TPD52L1: variants seen among roughly 807,000 people sequenced by gnomAD.
TPD52L1 encodes the protein tumor protein D53.
A neutral mutation model predicts 28.7 loss-of-function variants in TPD52L1; 18 were observed. The observed-to-expected ratio is 0.63, with a 90% CI of 0.43 to 0.93. The LOEUF is 0.93. Among genes scored for constraint, TPD52L1 ranks in the 40% least tolerant of loss-of-function variants. The pLI is 0.00. For missense variants in TPD52L1, 203 were observed against 254.8 expected (o/e 0.80, Z 1.39); for synonymous variants, 75 against 88.8 (o/e 0.84, Z 0.88).
At chr6:125,199,170 CT>C (rs1402426617) in intron 1 of TPD52L1, among the ~76,000 whole-genome samples, 1 of 152,152 alleles carries the variant, frequency 6.6e-6, no homozygotes, top group Non-Finnish European at 1.5e-5. Context: ...GTGGTTTTGA[CT>C]TAAATAATTC....
rs145825176 is a variant in TPD52L1 at position 125,239,250 on chromosome 6, T to C, written c.285-9032T>C. 9.2e-5 allele frequency among the ~76,000 whole-genome samples: 14 copies of C among 152,344 alleles called. No homozygotes were observed. In the East Asian group the frequency reaches 2.3e-3, roughly 25 times the overall value. On this transcript the variant is annotated intron_variant, in intron 3 of 6. Transcript: ENST00000534000. Reference sequence around the variant, plus strand: ...GTGATGTGAGGCATTTTTTCACGTTTGTTGGCCATTTGTATATCTGCTTTT... The same window carrying C: ...GTGATGTGAGGCATTTTTTCACGTTCGTTGGCCATTTGTATATCTGCTTTT...
intron 2 of TPD52L1, among the ~76,000 whole-genome samples, chr6:125,223,447 G>T (rs1427607902): frequency 6.6e-6 from 1 of 152,126 alleles, no homozygotes; most frequent in Non-Finnish European, 1.5e-5. Flanking sequence ...GGTGGCTCAC[G>T]CCTGTAATCC....
At chr6:125,253,621 T>G (rs1797409754) in intron 4 of TPD52L1, 96 bp from the exon 5 acceptor site, 1 of 1,094,682 alleles carries the variant, frequency 9.1e-7, no homozygotes, top group Non-Finnish European at 1.4e-6. Context: ...TATTTGGAAT[T>G]GCTGTTTTAG....
chr6:125,252,787 A>G (rs1797355983), intron 4 of TPD52L1: 2 of 152,234 alleles, frequency 1.3e-5, no homozygotes, highest in Admixed American at 6.5e-5. Context: ...GACCGTAAGT[A>G]TCCCATGAAT....
intron 1 of TPD52L1, among the ~76,000 whole-genome samples, chr6:125,205,578 C>T (rs1487235112): frequency 1.3e-5 from 2 of 152,184 alleles, no homozygotes; most frequent in Non-Finnish European, 2.9e-5. Flanking sequence ...GTCTTGGCCA[C>T]AGAGATAATA....
chr6:125,205,459 C>T (rs1181477981), intron 1 of TPD52L1, among the ~76,000 whole-genome samples: 4 of 152,190 alleles, frequency 2.6e-5, no homozygotes, highest in African/African-American at 4.8e-5. Flanking sequence ...CAAGAGCATA[C>T]TGTATAGGCA....
chr6:125,180,115 C>G (rs1406491913), intron 1 of TPD52L1, among the ~76,000 whole-genome samples: 1 of 152,192 alleles, frequency 6.6e-6, no homozygotes, highest in Non-Finnish European at 1.5e-5. Flanking sequence ...TTCCTCAGTT[C>G]TCACTCTATC....
intron 2 of TPD52L1, among the ~76,000 whole-genome samples, chr6:125,224,572 T>A (rs971657462): frequency 4.6e-5 from 7 of 152,092 alleles, no homozygotes; most frequent in Non-Finnish European, 1.0e-4. Flanking sequence ...CCATAATATC[T>A]TATTGTTTTG....
chr6:125,213,999 C>T (rs1794693319), intron 1 of TPD52L1, among the ~76,000 whole-genome samples: 2 of 152,110 alleles, frequency 1.3e-5, no homozygotes. Flanking sequence ...CAATACAGTC[C>T]TTAGGCCAGA....
Position 125,262,988 on chromosome 6 carries a change from A to G in TPD52L1, c.*26A>G. On this transcript the variant is annotated 3_prime_UTR_variant, in exon 7 of 7. Coordinates refer to ENST00000534000, the MANE Select transcript of TPD52L1 (RefSeq NM_003287.4). The stretch of plus-strand genomic sequence containing the variant: ...GTCCAGCCAGCGTGCAGCTGCATCC[A>G]GAAACCGGCCACTACCCAGCCCATC... 6.2e-7 allele frequency: 1 copy of G among 1,602,086 alleles called. No individual in the cohort carries two copies. The highest frequency in any genetic ancestry group is 8.5e-7 in the Non-Finnish European group (1 of 1,174,778).
chr6:125,248,239 G>T, intron 3 of TPD52L1, 43 bp from the exon 4 acceptor site: 1 of 1,458,810 alleles, frequency 6.9e-7, no homozygotes, highest in Non-Finnish European at 9.6e-7. Flanking sequence ...TTGTTTATGG[G>T]AGATCATGAT....
intron 6 of TPD52L1, chr6:125,262,553 G>A (rs1024433398): frequency 1.1e-5 from 3 of 262,792 alleles, no homozygotes; most frequent in South Asian, 1.3e-4. Context: ...CCATGGATCC[G>A]ATTATGCTCC....
intron 1 of TPD52L1, among the ~76,000 whole-genome samples, chr6:125,193,859 C>T (rs1793224666): frequency 6.6e-6 from 1 of 152,008 alleles, no homozygotes; most frequent in Admixed American, 6.5e-5. Flanking sequence ...TGAGCTGGGG[C>T]TTTGGTGGTC....
chr6:125,166,657 G>T (rs1004314786), intron 1 of TPD52L1, among the ~76,000 whole-genome samples: 1 of 151,920 alleles, frequency 6.6e-6, no homozygotes, highest in Non-Finnish European at 1.5e-5. Flanking sequence ...TTGCACAAGG[G>T]TGTCATAGAA....
intron 3 of TPD52L1, among the ~76,000 whole-genome samples, chr6:125,241,371 T>C (rs899933046): frequency 3.0e-4 from 46 of 152,104 alleles, no homozygotes; most frequent in Non-Finnish European, 2.9e-5. Context: ...TTCTCTGTCT[T>C]TTGGAATAGT....
intron 5 of TPD52L1, among the ~76,000 whole-genome samples, chr6:125,255,735 A>G (rs1583025395): frequency 1.4e-5 from 2 of 145,626 alleles, no homozygotes; most frequent in East Asian, 4.3e-4. Flanking sequence ...CTCTTATTTT[A>G]CTTTTTTTTT....
intron 1 of TPD52L1, among the ~76,000 whole-genome samples, chr6:125,170,238 C>T (rs541018032): frequency 6.6e-6 from 1 of 152,118 alleles, no homozygotes; most frequent in East Asian, 2.0e-4. Flanking sequence ...GCCACAATAA[C>T]ATCATTCTAC....
intron 1 of TPD52L1, among the ~76,000 whole-genome samples, chr6:125,213,468 G>A (rs1037076904): frequency 1.3e-5 from 2 of 152,076 alleles, no homozygotes; most frequent in African/African-American, 4.8e-5. Context: ...CCTCAGCTGA[G>A]TTTCAGTTCA....
intron 1 of TPD52L1, among the ~76,000 whole-genome samples, chr6:125,187,928 A>ATT (rs35969302): frequency 2.0e-4 from 29 of 147,608 alleles, no homozygotes; most frequent in Admixed American, 4.7e-4. Context: ...CTAAACTGAG[A>ATT]TTTTTTTTTT....
Sources: gnomAD v4.1 joint callset for allele counts (sites outside exome capture counted in the v4.1 genomes callset) on GRCh38, gnomAD v4.1.1 for gene constraint, MANE v1.5 for transcripts, NCBI Gene and HGNC (gene_info 2026-07-23, HGNC 2026-07-21) for gene names.